CFAP36: variants seen among roughly 807,000 people sequenced by gnomAD.
CFAP36 encodes the protein cilia and flagella associated protein 36.
Under a neutral mutation model 50.5 loss-of-function variants are expected in CFAP36, and 37 were observed. The ratio of observed to expected loss-of-function variants is 0.73; its 90% CI spans 0.56 to 0.96. CFAP36 has a LOEUF of 0.96. CFAP36 is among the 50% of genes least tolerant of loss of function. The pLI is 0.00. For synonymous variants in CFAP36, 138 were observed against 128.2 expected, an observed-to-expected ratio of 1.08 and a Z score of -0.52; for missense variants, 407 against 396.2, an observed-to-expected ratio of 1.03 and a Z score of -0.23.
intron 7 of CFAP36, among the ~76,000 whole-genome samples, chr2:55,537,938 G>C (rs1684535486): frequency 6.6e-6 from 1 of 152,220 alleles, no homozygotes; most frequent in Non-Finnish European, 1.5e-5. Flanking sequence ...TTGTTAGTGA[G>C]AAGCTGAACT....
At chr2:55,523,690 T>C in intron 2 of CFAP36, 31 bp from the exon 3 acceptor site, 2 of 1,414,426 alleles carry the variant, frequency 1.4e-6, no homozygotes, top group South Asian at 1.3e-5. Flanking sequence ...TTTTTCTATG[T>C]AATTATAAAA....
chr2:55,538,691 C>A, intron 7 of CFAP36: 2 of 1,285,386 alleles, frequency 1.6e-6, no homozygotes, highest in Non-Finnish European at 1.1e-6. Flanking sequence ...GATCCTCCTG[C>A]CTCAGCCTCC....
At chr2:55,531,668 C>G (rs1238268767) in intron 4 of CFAP36, among the ~76,000 whole-genome samples, 1 of 152,186 alleles carries the variant, frequency 6.6e-6, no homozygotes, top group Non-Finnish European at 1.5e-5. Context: ...GGAATATTTC[C>G]TCCTGTACAT....
intron 3 of CFAP36, among the ~76,000 whole-genome samples, chr2:55,524,433 T>TC (rs1448019666): frequency 2.7e-5 from 4 of 145,530 alleles, no homozygotes; most frequent in East Asian, 2.0e-4. Context: ...TTTTTTTTTT[T>TC]TTTTTTTTTT....
chr2:55,531,791 T>A (rs573599911), intron 4 of CFAP36, among the ~76,000 whole-genome samples: 1 of 152,328 alleles, frequency 6.6e-6, no homozygotes, highest in South Asian at 2.1e-4. Context: ...GCAAGGGGAA[T>A]GAGACCATTA....
rs750629388 is a variant in CFAP36, at chr2:55,544,239, C to T, written c.797C>T (p.Thr266Ile). The T allele has an allele frequency of 1.9e-6, 3 of 1,613,254 alleles. No homozygotes were observed. The East Asian group carries it at 6.7e-5, about 36-fold the overall frequency. Residue 266 changes from threonine to isoleucine, a missense_variant, in exon 9 of 10, where the codon ACA becomes ATA. Thr to Ile is a moderately conservative substitution (Grantham distance 89). Transcript: ENST00000349456. ...ACCCAGAACTTATCAGTACTTGGAA[C>T]AGAAGAACTTCGGCAACGAGAACAC... Reference protein sequence around the residue: ...GPIANLSVLGTEELRQREHYL... With the variant: ...GPIANLSVLGIEELRQREHYL...
intron 1 of CFAP36, among the ~76,000 whole-genome samples, chr2:55,521,625 A>T (rs1433245549): frequency 8.6e-5 from 11 of 128,212 alleles, no homozygotes; most frequent in Admixed American, 2.4e-4. Context: ...GTGTGTGTAT[A>T]TTTTTTTTTC....
chr2:55,519,995 C>A, intron 1 of CFAP36, 79 bp downstream of exon 1: 10 of 1,319,558 alleles, frequency 7.6e-6, no homozygotes, highest in South Asian at 1.3e-5. Context: ...TAACCACAAG[C>A]CATCTCTCGT....
intron 3 of CFAP36, among the ~76,000 whole-genome samples, chr2:55,527,539 G>A (rs970310688): frequency 5.3e-5 from 8 of 151,862 alleles, no homozygotes; most frequent in African/African-American, 1.9e-4. Context: ...CTGAGATCGC[G>A]CCACTGCACT....
Position 55,522,556 on chromosome 2 carries a change from C to G in CFAP36, c.180+390C>G, listed in dbSNP as rs573045522. 6.2e-4 allele frequency among the ~76,000 whole-genome samples: 94 copies of G among 152,274 alleles called. 1 individual carries two copies. Among genetic ancestry groups the G allele is most frequent in the Middle Eastern group, 3.4e-3 (1 of 294 alleles). ...CTGGAGTGCAGTGGCACTATCACAGCCTATTGCAGCCTCAACCTCCCCAGG... is the reference window on the plus strand; with the variant it reads ...CTGGAGTGCAGTGGCACTATCACAGGCTATTGCAGCCTCAACCTCCCCAGG... On this transcript the variant is annotated intron_variant, in intron 2 of 9. Coordinates refer to ENST00000349456, the MANE Select transcript of CFAP36 (RefSeq NM_080667.7).
intron 3 of CFAP36, among the ~76,000 whole-genome samples, chr2:55,524,822 A>C (rs1684161914): frequency 6.6e-6 from 1 of 152,026 alleles, no homozygotes; most frequent in Admixed American, 6.5e-5. Flanking sequence ...TCTCTACTAA[A>C]CATACAAAAT....
chr2:55,526,965 C>A (rs1280654390), intron 3 of CFAP36, among the ~76,000 whole-genome samples: 1 of 152,002 alleles, frequency 6.6e-6, no homozygotes, highest in Non-Finnish European at 1.5e-5. Context: ...GAATTTGAGG[C>A]TGCAGTGAGC....
intron 1 of CFAP36, among the ~76,000 whole-genome samples, chr2:55,521,323 G>C (rs996424154): frequency 3.4e-5 from 5 of 146,662 alleles, no homozygotes; most frequent in African/African-American, 1.3e-4. Context: ...CACTTGTTTT[G>C]ATTTTATTTA....
intron 3 of CFAP36, among the ~76,000 whole-genome samples, chr2:55,526,899 G>A (rs1428299655): frequency 2.0e-5 from 3 of 152,124 alleles, no homozygotes; most frequent in South Asian, 2.1e-4. Flanking sequence ...ATGGTGACAC[G>A]CTGCTGTAGT....
rs773410657 is a variant in CFAP36 at position 55,528,960 on chromosome 2, T to G, written c.365T>G (p.Leu122Arg). ...MMVQKNIEMQ[L>R]QAIRIIQERN... ...GTCCAGAAAAACATTGAAATGCAGC[T>G]GCAAGCCATTCGAATAATTCAAGAG... Residue 122 changes from leucine to arginine, a missense_variant, in exon 4 of 10, where the codon CTG (leucine) becomes CGG (arginine). By Grantham distance (102) the Leu-to-Arg change is moderately radical. Coordinates refer to ENST00000349456, the MANE Select transcript of CFAP36 (RefSeq NM_080667.7). The G allele has an allele frequency of 3.1e-6, 5 of 1,610,720 alleles. No individual in the cohort carries two copies. The highest frequency in any genetic ancestry group is 4.2e-6 in the Non-Finnish European group (5 of 1,178,518).
At chr2:55,525,124 T>A (rs993988980) in intron 3 of CFAP36, among the ~76,000 whole-genome samples, 1 of 152,122 alleles carries the variant, frequency 6.6e-6, no homozygotes, top group Non-Finnish European at 1.5e-5. Flanking sequence ...AGGGTGAGGA[T>A]TGGGATATGT....
intron 6 of CFAP36, among the ~76,000 whole-genome samples, chr2:55,537,081 C>T (rs1195636049): frequency 1.3e-5 from 2 of 152,178 alleles, no homozygotes; most frequent in Non-Finnish European, 2.9e-5. Flanking sequence ...ATACTTTATA[C>T]TTTCTTTTAA....
intron 1 of CFAP36, among the ~76,000 whole-genome samples, chr2:55,520,211 CG>C (rs1321393929): frequency 6.6e-6 from 1 of 152,212 alleles, no homozygotes; most frequent in Non-Finnish European, 1.5e-5. Context: ...AGACTTGAAT[CG>C]TAAATTCGGT....
intron 3 of CFAP36, among the ~76,000 whole-genome samples, chr2:55,527,653 C>G (rs1039024622): frequency 2.0e-5 from 3 of 152,018 alleles, no homozygotes; most frequent in South Asian, 2.1e-4. Flanking sequence ...TTGACATACA[C>G]CACTTCATCC....
Sources: allele counts gnomAD v4.1 joint callset (sites outside exome capture counted in the v4.1 genomes callset), GRCh38; gene constraint gnomAD v4.1.1; transcripts MANE v1.5; gene names NCBI Gene and HGNC (gene_info 2026-07-23, HGNC 2026-07-21).